CACNA1C: variants seen among roughly 807,000 people sequenced by gnomAD.
CACNA1C encodes the protein voltage-dependent L-type calcium channel subunit alpha-1C.
In CACNA1C, 30 loss-of-function variants were observed where a neutral mutation model predicts 229.0. That is an observed-to-expected ratio of 0.13 (90% CI 0.10 to 0.18). The LOEUF is 0.18. Ranked by LOEUF, CACNA1C falls within the 10% of genes least tolerant of loss-of-function variation. The probability of loss-of-function intolerance (pLI) is 1.00; values close to 1 mark genes in which losing one functional copy is unlikely to be tolerated. For missense variants in CACNA1C, 1,658 were observed against 2,845.0 expected (o/e 0.58, Z 9.49); for synonymous variants, 1,114 against 1,132.5 (o/e 0.98, Z 0.33).
chr12:2,534,825 G>A (rs151263536), intron 9 of CACNA1C, among the ~76,000 whole-genome samples: 2 of 152,330 alleles, frequency 1.3e-5, no homozygotes, highest in South Asian at 2.1e-4. Context: ...TGGTGGCGAG[G>A]TCTCTTAGGT....
chr12:2,584,648 C>A, intron 16 of CACNA1C, 31 bp downstream of exon 16: 1 of 1,394,160 alleles, frequency 7.2e-7, no homozygotes, highest in Non-Finnish European at 1.0e-6. Context: ...AGGCCTGGGG[C>A]TCCAGGGCTC....
chr12:2,104,606 T>C (rs2077512366), intron 1 of CACNA1C, among the ~76,000 whole-genome samples: 1 of 152,204 alleles, frequency 6.6e-6, no homozygotes. Context: ...TCCAATACTA[T>C]GTTGAATAGG....
chr12:2,557,843 A>G (rs547152394), intron 11 of CACNA1C, among the ~76,000 whole-genome samples: 4 of 152,310 alleles, frequency 2.6e-5, no homozygotes, highest in African/African-American at 9.6e-5. Flanking sequence ...GCATGCCTCC[A>G]GGGGTTATTT....
chr12:2,660,650 C>T (rs1246927502), intron 34 of CACNA1C: 1 of 151,962 alleles, frequency 6.6e-6, no homozygotes, highest in Non-Finnish European at 1.5e-5. Flanking sequence ...ATGGTGAAAC[C>T]CCATCTCTAC....
chr12:2,186,761 C>T (rs1051420352), intron 3 of CACNA1C, among the ~76,000 whole-genome samples: 2 of 152,168 alleles, frequency 1.3e-5, no homozygotes, highest in South Asian at 2.1e-4. Flanking sequence ...TTAATCCTTT[C>T]GACAATCCGA....
At chr12:2,586,942 C>T (rs1344066806) in intron 18 of CACNA1C, among the ~76,000 whole-genome samples, 4 of 152,120 alleles carry the variant, frequency 2.6e-5, no homozygotes, top group Admixed American at 1.3e-4. Flanking sequence ...AGGGTGAAAC[C>T]GTTAGGGAAT....
At chr12:2,127,280 G>GC (rs1360982031) in intron 3 of CACNA1C, among the ~76,000 whole-genome samples, 1 of 152,090 alleles carries the variant, frequency 6.6e-6, no homozygotes, top group Non-Finnish European at 1.5e-5. Flanking sequence ...GAGCCCTATC[G>GC]CCCCCCGTGC....
rs114307621 is a variant in CACNA1C at position 2,496,396 on chromosome 12, A to G, written c.1113+3010A>G. 7.7e-3 allele frequency among the ~76,000 whole-genome samples: 1,170 copies of G among 152,314 alleles called. 15 individuals carry two copies. Among genetic ancestry groups the G allele is most frequent in the African/African-American group, 0.027 (1,125 of 41,574 alleles). On this transcript the variant is annotated intron_variant, in intron 7 of 46. Transcript: ENST00000399655. ...GCAGCCAAGATTTTCAAATATAGTA[A>G]TGCATGGAAACCCCAGAGCTCCATT...
intron 9 of CACNA1C, among the ~76,000 whole-genome samples, chr12:2,514,055 T>G (rs942466019): frequency 6.6e-6 from 1 of 152,206 alleles, no homozygotes; most frequent in African/African-American, 2.4e-5. Flanking sequence ...TTAAAAACAG[T>G]TTCCTAAACA....
chr12:2,650,283 CT>C (rs908847830), intron 31 of CACNA1C, among the ~76,000 whole-genome samples: 2 of 152,210 alleles, frequency 1.3e-5, no homozygotes, highest in African/African-American at 4.8e-5. Context: ...GGAGCGGCCT[CT>C]GACGCCTCAT....
intron 4 of CACNA1C, among the ~76,000 whole-genome samples, chr12:2,452,696 G>A (rs545291310): frequency 9.9e-5 from 15 of 152,276 alleles, no homozygotes; most frequent in South Asian, 8.3e-4. Flanking sequence ...ATTAAAAGCG[G>A]ATACTTAATA....
chr12:2,578,120 G>A (rs560759989), intron 13 of CACNA1C, among the ~76,000 whole-genome samples: 24 of 152,016 alleles, frequency 1.6e-4, no homozygotes, highest in Non-Finnish European at 2.8e-4. Context: ...CGCCCGCCTC[G>A]GCCTCCCAAA....
At chr12:1,985,435 A>C (rs1386542950) in intron 1 of CACNA1C, among the ~76,000 whole-genome samples, 1 of 152,096 alleles carries the variant, frequency 6.6e-6, no homozygotes, top group Non-Finnish European at 1.5e-5. Flanking sequence ...TTCAGTTCCA[A>C]ATTTTCCATT....
intron 1 of CACNA1C, among the ~76,000 whole-genome samples, chr12:2,003,971 G>A (rs932821568): frequency 1.3e-5 from 2 of 151,998 alleles, no homozygotes; most frequent in African/African-American, 4.8e-5. Context: ...TCGGTCTTCC[G>A]GCCATAAGGT....
chr12:2,035,736 TC>T (rs2154493213), intron 1 of CACNA1C, among the ~76,000 whole-genome samples: 1 of 152,296 alleles, frequency 6.6e-6, no homozygotes, highest in East Asian at 1.9e-4. Flanking sequence ...TTTTCCTACT[TC>T]CGAGGCAGGA....
At chr12:2,491,962 TTCTCTC>T (rs57394200) in intron 6 of CACNA1C, among the ~76,000 whole-genome samples, 32,454 of 147,046 alleles carry the variant, frequency 0.22, 3,777 homozygotes, top group African/African-American at 0.31. Flanking sequence ...TATAAGCAAA[TTCTCTC>T]TCTCTCTCTC....
intron 1 of CACNA1C, chr12:2,004,281 C>A: frequency 1.9e-6 from 3 of 1,613,088 alleles, no homozygotes; most frequent in Non-Finnish European, 2.5e-6. Flanking sequence ...TCCGCACGCA[C>A]CCACTCGTTG....
At chr12:2,584,340 G>A (rs1022521768) in intron 15 of CACNA1C, among the ~76,000 whole-genome samples, 163 bp from the exon 16 acceptor site, 1 of 152,074 alleles carries the variant, frequency 6.6e-6, no homozygotes, top group African/African-American at 2.4e-5. Flanking sequence ...GGGGAGGAAG[G>A]GGAGGGGAGG....
At chr12:2,386,438 C>T (rs1362330535) in intron 3 of CACNA1C, among the ~76,000 whole-genome samples, 1 of 152,222 alleles carries the variant, frequency 6.6e-6, no homozygotes, top group Admixed American at 6.5e-5. Flanking sequence ...CTGCCACACA[C>T]AACCAACTGC....
Sources: allele counts gnomAD v4.1 joint callset (sites outside exome capture counted in the v4.1 genomes callset), GRCh38; gene constraint gnomAD v4.1.1; transcripts MANE v1.5; gene names NCBI Gene and HGNC (gene_info 2026-07-23, HGNC 2026-07-21).